CHRNA7: variants seen among roughly 807,000 people sequenced by gnomAD.
CHRNA7 encodes the protein cholinergic receptor nicotinic alpha 7 subunit, also known as neuronal acetylcholine receptor subunit alpha-7.
CHRNA7 carries 17 observed loss-of-function variants against 48.0 expected under a neutral mutation model. The observed-to-expected ratio is 0.35, with a 90% CI of 0.24 to 0.53. CHRNA7 has a LOEUF of 0.53. Ranked by LOEUF, CHRNA7 falls within the 20% of genes least tolerant of loss-of-function variation. CHRNA7 has a pLI of 0.92. For missense variants in CHRNA7, 155 were observed against 577.7 expected, an observed-to-expected ratio of 0.27 and a Z score of 7.50; for synonymous variants, 75 against 242.3, an observed-to-expected ratio of 0.31 and a Z score of 6.41.
Position 32,128,673 on chromosome 15 carries a change from T to A in CHRNA7, c.350+16774T>A, listed in dbSNP as rs561403775. ...TTTTTAATTGTTTTTGTTTTGAGAT[T>A]CCTTTGGATTTTCCACATAGACCAT... On this transcript the variant is annotated intron_variant, in intron 4 of 9. Coordinates refer to ENST00000306901, the MANE Select transcript of CHRNA7 (RefSeq NM_000746.6). Among the ~76,000 whole-genome samples, 4 of 151,864 alleles carry A rather than the reference T, an allele frequency of 2.6e-5. 1 individual carries two copies. Among genetic ancestry groups the A allele is most frequent in the African/African-American group, 9.6e-5 (4 of 41,518 alleles).
At position 32,111,791 on chromosome 15, in the gene CHRNA7, C is replaced by T; in HGVS notation, c.242C>T (p.Ser81Phe). The change falls in exon 4 of 10, where the codon TCT (serine) becomes TTT (phenylalanine). Residue 81 changes from serine to phenylalanine, a missense_variant and splice_region_variant. Transcript: ENST00000306901. ...VLTTNIWLQM[S>F]WTDHYLQWNV... ...TGCTAATGTCATTGTGTGTGTCAGT[C>T]TTGGACAGATCACTATTTACAGTGG... The T allele has an allele frequency of 6.2e-7, 1 of 1,601,788 alleles. No individual in the cohort carries two copies. The highest frequency in any genetic ancestry group is 1.1e-5 in the South Asian group (1 of 90,832).
At chr15:32,101,108 G>A in intron 2 of CHRNA7, 195 bp from the exon 3 acceptor site, 1 of 550,862 alleles carries the variant, frequency 1.8e-6, no homozygotes, top group Non-Finnish European at 3.1e-6. Flanking sequence ...TATAATAAAT[G>A]TGTCTTACTT....
At chr15:32,105,743 C>T (rs750949808) in intron 3 of CHRNA7, among the ~76,000 whole-genome samples, 1 of 152,126 alleles carries the variant, frequency 6.6e-6, no homozygotes, top group Non-Finnish European at 1.5e-5. Flanking sequence ...AGGTGCCTAC[C>T]GATTGAGAAA....
intron 4 of CHRNA7, among the ~76,000 whole-genome samples, chr15:32,115,213 G>A (rs1419594360): frequency 6.6e-6 from 1 of 152,172 alleles, no homozygotes; most frequent in South Asian, 2.1e-4. Context: ...GGTGCTCTGG[G>A]GACACTAGTG....
At chr15:32,074,637 ATATTATTATTAT>A (rs113812797) in intron 2 of CHRNA7, among the ~76,000 whole-genome samples, 2 of 141,770 alleles carry the variant, frequency 1.4e-5, no homozygotes, top group East Asian at 2.1e-4. Context: ...CACATTATTA[ATATTATTATTAT>A]TATTATTATT....
intron 1 of CHRNA7, 106 bp downstream of exon 1, chr15:32,030,755 G>T (rs1209568813): frequency 2.0e-6 from 3 of 1,512,468 alleles, no homozygotes; most frequent in South Asian, 1.2e-5. Flanking sequence ...TCTCCCCGCC[G>T]CCGGGGAGGG....
At chr15:32,145,536 A>G (rs2051469644) in intron 4 of CHRNA7, among the ~76,000 whole-genome samples, 1 of 152,186 alleles carries the variant, frequency 6.6e-6, no homozygotes, top group Non-Finnish European at 1.5e-5. Flanking sequence ...AGTGGAGTCT[A>G]TAGAGGCAGT....
At chr15:32,137,117 A>G (rs2051283116) in intron 4 of CHRNA7, among the ~76,000 whole-genome samples, 1 of 151,856 alleles carries the variant, frequency 6.6e-6, no homozygotes, top group East Asian at 1.9e-4. Flanking sequence ...ATAACATTAG[A>G]TGGTAGAAAT....
intron 2 of CHRNA7, among the ~76,000 whole-genome samples, chr15:32,037,672 A>G (rs1417272397): frequency 6.6e-6 from 1 of 152,054 alleles, no homozygotes; most frequent in African/African-American, 2.4e-5. Flanking sequence ...TGAGGGGTTA[A>G]ATGGTATTAT....
intron 2 of CHRNA7, among the ~76,000 whole-genome samples, chr15:32,069,267 A>G (rs1409418986): frequency 1.3e-5 from 2 of 152,374 alleles, no homozygotes; most frequent in Admixed American, 1.3e-4. Flanking sequence ...ACAACTCAAC[A>G]AAAATACAAC....
chr15:32,085,442 G>A (rs2050280681), intron 2 of CHRNA7, among the ~76,000 whole-genome samples: 2 of 152,138 alleles, frequency 1.3e-5, no homozygotes, highest in Admixed American at 1.3e-4. Context: ...ATTCTAAGAT[G>A]CACATTAGTT....
chr15:32,112,493 C>T (rs750495051), intron 4 of CHRNA7: 36 of 365,014 alleles, frequency 9.9e-5, no homozygotes, highest in Middle Eastern at 8.5e-4. Flanking sequence ...GACAGTCTGA[C>T]TTGCAGACCA....
At chr15:32,064,917 A>G (rs2049940926) in intron 2 of CHRNA7, among the ~76,000 whole-genome samples, 1 of 152,196 alleles carries the variant, frequency 6.6e-6, no homozygotes, top group Admixed American at 6.5e-5. Context: ...TGGTTCTTAA[A>G]ATGAATATGC....
intron 2 of CHRNA7, among the ~76,000 whole-genome samples, chr15:32,045,738 T>C (rs2049530532): frequency 6.6e-6 from 1 of 151,610 alleles, no homozygotes; most frequent in South Asian, 2.1e-4. Flanking sequence ...TACATATGTA[T>C]ACATGTGCCA....
intron 3 of CHRNA7, among the ~76,000 whole-genome samples, chr15:32,107,678 G>A (rs73369022): frequency 0.039 from 5,995 of 152,116 alleles, 419 homozygotes; most frequent in African/African-American, 0.14. Context: ...GCAAGGGTGC[G>A]CGGAGCTGTT....
chr15:32,063,510 T>G (rs2049913815), intron 2 of CHRNA7, among the ~76,000 whole-genome samples: 1 of 152,234 alleles, frequency 6.6e-6, no homozygotes, highest in Non-Finnish European at 1.5e-5. Context: ...AGTGCCATCC[T>G]CTTCATACAT....
chr15:32,105,431 A>T (rs1237569908), intron 3 of CHRNA7, among the ~76,000 whole-genome samples: 1 of 150,762 alleles, frequency 6.6e-6, no homozygotes, highest in East Asian at 2.0e-4. Context: ...AGGAGAAGGA[A>T]AAGAGGCGGA....
At chr15:32,079,687 G>GA (rs1196147003) in intron 2 of CHRNA7, among the ~76,000 whole-genome samples, 2 of 151,360 alleles carry the variant, frequency 1.3e-5, no homozygotes, top group East Asian at 3.9e-4. Flanking sequence ...TCATGGATAG[G>GA]AAAAATCAAT....
At chr15:32,045,213 TA>T (rs1474022263) in intron 2 of CHRNA7, among the ~76,000 whole-genome samples, 4 of 152,228 alleles carry the variant, frequency 2.6e-5, no homozygotes, top group East Asian at 1.9e-4. Flanking sequence ...CCTCTGTTTT[TA>T]TTAGTGATGG....
Sources: allele counts gnomAD v4.1 joint callset (sites outside exome capture counted in the v4.1 genomes callset), GRCh38; gene constraint gnomAD v4.1.1; transcripts MANE v1.5; gene names NCBI Gene and HGNC (gene_info 2026-07-23, HGNC 2026-07-21).